Variants in ASIC2 observed in about 807,000 individuals in gnomAD.
The protein encoded by ASIC2 is acid-sensing ion channel 2.
A neutral mutation model predicts 57.3 loss-of-function variants in ASIC2; 25 were observed. The ratio of observed to expected loss-of-function variants is 0.44; its 90% confidence interval spans 0.32 to 0.61. ASIC2 has a LOEUF of 0.61. ASIC2 is among the 20% of genes least tolerant of loss of function. The probability of loss-of-function intolerance (pLI) is 0.06; values close to 1 mark genes in which losing one functional copy is unlikely to be tolerated. For synonymous variants in ASIC2, 319 were observed against 307.5 expected (o/e 1.04, Z -0.39); for missense variants, 641 against 738.1 (o/e 0.87, Z 1.52).
intron 1 of ASIC2, among the ~76,000 whole-genome samples, chr17:33,551,202 A>T (rs1014135599): frequency 6.6e-6 from 1 of 152,204 alleles, no homozygotes; most frequent in Non-Finnish European, 1.5e-5. Context: ...ATGAATATGT[A>T]TGCTGATCTA....
intron 1 of ASIC2, among the ~76,000 whole-genome samples, chr17:33,610,054 G>GCGCATGCACACACA (rs375575593): frequency 4.1e-5 from 6 of 144,736 alleles, no homozygotes; most frequent in Non-Finnish European, 7.5e-5. Flanking sequence ...GGACAGAGGC[G>GCGCATGCACACACA]CACACACACA....
chr17:33,800,825 C>G lies in ASIC2; in HGVS notation c.555+355153G>C, dbSNP rs376176077. Among the ~76,000 whole-genome samples the G allele has an allele frequency of 5.3e-5, 8 of 152,264 alleles. No individual in the cohort carries two copies. In the East Asian group the frequency reaches 5.8e-4, roughly 11 times the overall value. ...ATTTTTTATCCTGCTATCAACTTTT[C>G]AAGGTGGGTATTATTATCATTACCA... is the stretch of plus-strand genomic sequence containing the variant. On this transcript the variant is annotated intron_variant, in intron 1 of 9. Coordinates refer to the ASIC2 transcript ENST00000359872.
intron 1 of ASIC2, among the ~76,000 whole-genome samples, chr17:34,099,898 A>C (rs1230899363): frequency 6.6e-6 from 1 of 152,220 alleles, no homozygotes; most frequent in East Asian, 1.9e-4. Flanking sequence ...TGTGACTGGC[A>C]GGTCATACAG....
At chr17:34,025,669 A>C (rs1403877028) in intron 1 of ASIC2, among the ~76,000 whole-genome samples, 1 of 152,224 alleles carries the variant, frequency 6.6e-6, no homozygotes, top group Non-Finnish European at 1.5e-5. Flanking sequence ...ATGTAATAGC[A>C]GGTTAGGATC....
At chr17:33,335,343 T>G (rs973662540) in intron 1 of ASIC2, among the ~76,000 whole-genome samples, 5 of 152,222 alleles carry the variant, frequency 3.3e-5, no homozygotes, top group Non-Finnish European at 7.3e-5. Flanking sequence ...AAGTGCCTAC[T>G]ATGTGTCAGG....
chr17:33,337,615 C>T (rs536707879), intron 1 of ASIC2, among the ~76,000 whole-genome samples: 7 of 152,326 alleles, frequency 4.6e-5, no homozygotes, highest in Middle Eastern at 3.4e-3. Context: ...GGTGTTTGCT[C>T]TGCCACTGGC....
At chr17:33,302,917 C>A (rs1906017023) in intron 1 of ASIC2, among the ~76,000 whole-genome samples, 1 of 152,240 alleles carries the variant, frequency 6.6e-6, no homozygotes, top group African/African-American at 2.4e-5. Context: ...GATGAGGACA[C>A]AGAAGCTTTG....
intron 1 of ASIC2, among the ~76,000 whole-genome samples, chr17:33,434,298 T>G (rs1321122016): frequency 1.2e-4 from 19 of 152,056 alleles, no homozygotes. Context: ...AATTCAAGGC[T>G]TTCCTGAAAT....
intron 1 of ASIC2, among the ~76,000 whole-genome samples, chr17:33,499,384 T>C (rs1408175983): frequency 6.6e-6 from 1 of 152,216 alleles, no homozygotes; most frequent in Non-Finnish European, 1.5e-5. Flanking sequence ...ATTAGGTCAT[T>C]CTAGAGCAGG....
chr17:33,600,291 A>G (rs1905090456), intron 1 of ASIC2, among the ~76,000 whole-genome samples: 1 of 152,200 alleles, frequency 6.6e-6, no homozygotes, highest in South Asian at 2.1e-4. Flanking sequence ...TGTCCTTGTG[A>G]TGCCTTCTGC....
At chr17:33,156,328 A>G (rs1195100438) in intron 1 of ASIC2, among the ~76,000 whole-genome samples, 4 of 151,082 alleles carry the variant, frequency 2.6e-5, no homozygotes, top group East Asian at 2.0e-4. Context: ...GGGTTTCTCC[A>G]TTTTGGCCAG....
chr17:34,050,466 A>G (rs1054031114), intron 1 of ASIC2, among the ~76,000 whole-genome samples: 2 of 152,334 alleles, frequency 1.3e-5, no homozygotes, highest in South Asian at 4.1e-4. Flanking sequence ...AGATTCTTGA[A>G]AAATCTCTTC....
intron 1 of ASIC2, among the ~76,000 whole-genome samples, chr17:33,622,215 G>A (rs1468631377): frequency 1.3e-5 from 2 of 152,080 alleles, no homozygotes; most frequent in Non-Finnish European, 2.9e-5. Context: ...TTAAGAGATT[G>A]CTGAAAAGCT....
At chr17:33,455,081 T>C (rs1049962394) in intron 1 of ASIC2, among the ~76,000 whole-genome samples, 2 of 152,216 alleles carry the variant, frequency 1.3e-5, no homozygotes, top group Non-Finnish European at 2.9e-5. Flanking sequence ...AAGCCCTCTT[T>C]GGAGAGGAGG....
intron 1 of ASIC2, among the ~76,000 whole-genome samples, chr17:33,235,129 G>A (rs1293120294): frequency 2.0e-5 from 3 of 152,232 alleles, no homozygotes; most frequent in East Asian, 3.9e-4. Context: ...CCTGGGGCAT[G>A]AGACATAAGA....
chr17:33,323,758 G>C (rs946323730), intron 1 of ASIC2, among the ~76,000 whole-genome samples: 3 of 152,134 alleles, frequency 2.0e-5, no homozygotes, highest in Non-Finnish European at 4.4e-5. Flanking sequence ...AGACACAAAA[G>C]TGTGTGTACT....
intron 2 of ASIC2, among the ~76,000 whole-genome samples, chr17:33,101,624 G>A (rs1353562590): frequency 1.3e-5 from 2 of 152,024 alleles, no homozygotes; most frequent in Admixed American, 1.3e-4. Context: ...TATATTATCT[G>A]CACAATTCCT....
chr17:33,714,850 T>C (rs2142079046), intron 1 of ASIC2, among the ~76,000 whole-genome samples: 1 of 149,544 alleles, frequency 6.7e-6, no homozygotes, highest in African/African-American at 2.5e-5. Context: ...GGTCTCACTC[T>C]GTAGCTCAGG....
chr17:33,769,791 G>C (rs1488165478), intron 1 of ASIC2, among the ~76,000 whole-genome samples: 9 of 152,196 alleles, frequency 5.9e-5, no homozygotes, highest in East Asian at 1.9e-4. Context: ...GTGCTGGCAG[G>C]CCTCGTGTCT....
Sources: allele counts gnomAD v4.1 joint callset (sites outside exome capture counted in the v4.1 genomes callset), GRCh38; gene constraint gnomAD v4.1.1; transcripts MANE v1.5; gene names NCBI Gene and HGNC (gene_info 2026-07-23, HGNC 2026-07-21).